The following CDH8 variants were observed in gnomAD, a reference collection of about 807,000 sequenced individuals.
CDH8 encodes the protein cadherin 8, also known as cadherin-8.
CDH8 carries 17 observed loss-of-function variants against 68.1 expected under a neutral mutation model. The ratio of observed to expected loss-of-function variants is 0.25; its 90% CI spans 0.17 to 0.37. CDH8 has a LOEUF of 0.37. Ranked by LOEUF, CDH8 falls within the 10% of genes least tolerant of loss-of-function variation. The pLI, the probability that CDH8 is intolerant of heterozygous loss-of-function variation, is 1.00. For synonymous variants in CDH8, 372 were observed against 365.1 expected, an observed-to-expected ratio of 1.02 and a Z score of -0.21; for missense variants, 763 against 999.3, an observed-to-expected ratio of 0.76 and a Z score of 3.19.
chr16:61,837,652 C>A (rs188139262), intron 4 of CDH8, among the ~76,000 whole-genome samples: 1 of 152,184 alleles, frequency 6.6e-6, no homozygotes, highest in African/African-American at 2.4e-5. Context: ...AATGTATTGG[C>A]TTTCTGGTTC....
At chr16:61,832,567 C>T (rs1438067716) in intron 4 of CDH8, among the ~76,000 whole-genome samples, 1 of 151,640 alleles carries the variant, frequency 6.6e-6, no homozygotes, top group Non-Finnish European at 1.5e-5. Flanking sequence ...ACATTTTGAC[C>T]AGTACTTTTT....
Position 61,724,726 on chromosome 16 carries a change from C to A in CDH8, c.1536+2368G>T, listed in dbSNP as rs564007329. ...TCGGTTTTTTGACATTTATTTTTCA[C>A]GAGCATGTGATCATCTGCTAAGGAA... On this transcript the variant is annotated intron_variant, in intron 9 of 11. Coordinates refer to ENST00000577390, the MANE Select transcript of CDH8 (RefSeq NM_001796.5). Among the ~76,000 whole-genome samples, 11 of 150,820 alleles carry A rather than the reference C, an allele frequency of 7.3e-5. No individual in the cohort carries two copies. The East Asian group carries it at 2.0e-3, about 27-fold the overall frequency.
At chr16:61,903,780 T>C (rs1389402153) in intron 2 of CDH8, among the ~76,000 whole-genome samples, 1 of 152,128 alleles carries the variant, frequency 6.6e-6, no homozygotes, top group African/African-American at 2.4e-5. Flanking sequence ...CATCCAGCTA[T>C]CCGAAAATTA....
chr16:61,974,008 C>T (rs1400985501), intron 2 of CDH8, among the ~76,000 whole-genome samples: 1 of 152,098 alleles, frequency 6.6e-6, no homozygotes. Context: ...TATGAACAAC[C>T]TCAAGAGTTT....
At chr16:61,848,383 A>G in intron 4 of CDH8, among the ~76,000 whole-genome samples, 1 of 152,098 alleles carries the variant, frequency 6.6e-6, no homozygotes, top group Non-Finnish European at 1.5e-5. Context: ...GACTCTAGCT[A>G]TGGTCAACAC....
At chr16:61,723,792 AT>A (rs962873341) in intron 9 of CDH8, among the ~76,000 whole-genome samples, 311 of 150,640 alleles carry the variant, frequency 2.1e-3, no homozygotes, top group African/African-American at 7.5e-3. Context: ...ACACATTCCC[AT>A]TTTTGCCATG....
chr16:61,730,354 G>A (rs956334242), intron 8 of CDH8, among the ~76,000 whole-genome samples: 1 of 151,446 alleles, frequency 6.6e-6, no homozygotes, highest in African/African-American at 2.4e-5. Context: ...TGGGATTAGG[G>A]AGCTATTACT....
chr16:61,756,036 G>T (rs1339380681), intron 8 of CDH8, among the ~76,000 whole-genome samples: 1 of 152,064 alleles, frequency 6.6e-6, no homozygotes, highest in African/African-American at 2.4e-5. Flanking sequence ...GACCAGGCTC[G>T]TCTCAAACTC....
intron 10 of CDH8, among the ~76,000 whole-genome samples, chr16:61,688,138 G>A (rs1964144033): frequency 6.6e-6 from 1 of 151,996 alleles, no homozygotes; most frequent in Non-Finnish European, 1.5e-5. Flanking sequence ...AGAGGGAGAA[G>A]GAAGGGGAAA....
At chr16:61,991,740 C>T (rs1310251647) in intron 2 of CDH8, among the ~76,000 whole-genome samples, 2 of 152,102 alleles carry the variant, frequency 1.3e-5, no homozygotes, top group Non-Finnish European at 2.9e-5. Context: ...TCCCCTTTAT[C>T]GCTTGCCTTC....
At chr16:61,671,267 G>A (rs1222039941) in intron 10 of CDH8, among the ~76,000 whole-genome samples, 4 of 151,980 alleles carry the variant, frequency 2.6e-5, no homozygotes, top group Admixed American at 6.6e-5. Flanking sequence ...GATCTTCTGG[G>A]ATGCCTGATA....
intron 5 of CDH8, among the ~76,000 whole-genome samples, chr16:61,824,780 C>T (rs908782124): frequency 1.3e-5 from 2 of 151,898 alleles, no homozygotes; most frequent in African/African-American, 4.8e-5. Context: ...TGCAGTCAGA[C>T]ATACTGGTTC....
chr16:61,652,310 C>G lies in CDH8; in HGVS notation c.*1298G>C. The stretch of plus-strand genomic sequence containing the variant: ...GTAAACAGTGAAATTATGTACAAAT[C>G]AGTTCCTGCTCTAAAACTGTGGGGG... On this transcript the variant is annotated 3_prime_UTR_variant, in exon 12 of 12. Transcript: ENST00000577390. The G allele has an allele frequency of 1.0e-6, 1 of 985,092 alleles. No individual in the cohort carries two copies. Among genetic ancestry groups the G allele is most frequent in the Non-Finnish European group, 1.2e-6 (1 of 829,708 alleles). The allele number at this position is 985,092 out of a possible 1,614,324, so 61.0% of individuals were successfully genotyped here. A position where few individuals can be genotyped will look rare whatever the true frequency, so the allele number is the denominator to read the frequency against.
chr16:62,011,401 C>T (rs1901809591), intron 2 of CDH8, among the ~76,000 whole-genome samples: 1 of 152,162 alleles, frequency 6.6e-6, no homozygotes, highest in South Asian at 2.1e-4. Flanking sequence ...TCCCATCAGC[C>T]CACCATGTTC....
chr16:62,035,328 GT>G (rs1032794224), intron 1 of CDH8, among the ~76,000 whole-genome samples: 1 of 152,196 alleles, frequency 6.6e-6, no homozygotes, highest in Non-Finnish European at 1.5e-5. Context: ...CGGCTACGGA[GT>G]CCCCGGCTTA....
chr16:62,028,058 T>A (rs1902235962), intron 1 of CDH8, among the ~76,000 whole-genome samples: 2 of 146,530 alleles, frequency 1.4e-5, no homozygotes, highest in Admixed American at 6.9e-5. Flanking sequence ...ATCTGTCAAA[T>A]CCATTTTTTT....
At chr16:61,748,981 T>C (rs1273922318) in intron 8 of CDH8, among the ~76,000 whole-genome samples, 1 of 152,080 alleles carries the variant, frequency 6.6e-6, no homozygotes, top group Admixed American at 6.6e-5. Flanking sequence ...AAAATCATTA[T>C]TGTCTTTCTA....
In CDH8 at chr16:61,647,848, A is replaced by G; in HGVS notation, c.*5760T>C. 1.4e-6 allele frequency: 1 copy of G among 699,768 alleles called. No homozygotes were observed. The highest frequency in any genetic ancestry group is 2.6e-6 in the Non-Finnish European group (1 of 382,900). The allele number at this position is 699,768 out of a possible 1,614,324, so 43.3% of individuals were successfully genotyped here. A position where few individuals can be genotyped will look rare whatever the true frequency, so the allele number is the denominator to read the frequency against. ...TTTTCCACAGTCTTTCTCTTCAGAC[A>G]GCATCTTGTGATATTCCTCCTAGCA... On this transcript the variant is annotated 3_prime_UTR_variant, in exon 12 of 12. Transcript: ENST00000577390.
intron 7 of CDH8, among the ~76,000 whole-genome samples, chr16:61,795,889 G>A (rs371539761): frequency 6.6e-6 from 1 of 152,008 alleles, no homozygotes; most frequent in South Asian, 2.1e-4. Context: ...CTTACCTACA[G>A]GAGCCTTTTA....
Sources: allele counts gnomAD v4.1 joint callset (sites outside exome capture counted in the v4.1 genomes callset), GRCh38; gene constraint gnomAD v4.1.1; transcripts MANE v1.5; gene names NCBI Gene and HGNC (gene_info 2026-07-23, HGNC 2026-07-21).